The following DBX1 variants were observed in gnomAD, a reference collection of about 807,000 sequenced individuals.
The protein encoded by DBX1 is developing brain homeobox 1.
Under a neutral mutation model 20.8 loss-of-function variants are expected in DBX1, and 10 were observed. The ratio of observed to expected loss-of-function variants is 0.48; its 90% confidence interval spans 0.30 to 0.82. DBX1 has a LOEUF of 0.82. Ranked by LOEUF, DBX1 falls within the 40% of genes least tolerant of loss-of-function variation. DBX1 has a pLI of 0.07. For missense variants in DBX1, 505 were observed against 468.8 expected (o/e 1.08, Z -0.71); for synonymous variants, 241 against 213.9 (o/e 1.13, Z -1.11).
At position 20,156,701 on chromosome 11, in the gene DBX1, C is replaced by T. The variant is rs769349738; in HGVS notation, c.673-128G>A. On this transcript the variant is annotated intron_variant, in intron 3 of 3. Transcript: ENST00000524983. The surrounding 1 kb of genome is among the most constrained non-coding windows in gnomAD (Gnocchi z 4.8). ...CCTTCGGGCTGTGTCCTCTCCCCACCCCCAGAAATGAGTTCCGGTGGATTC... is the reference window on the plus strand; with the variant it reads ...CCTTCGGGCTGTGTCCTCTCCCCACTCCCAGAAATGAGTTCCGGTGGATTC... 2.2e-6 allele frequency: 3 copies of T among 1,382,762 alleles called. No individual in the cohort carries two copies. Among genetic ancestry groups the T allele is most frequent in the East Asian group, 2.3e-5 (1 of 43,684 alleles). The allele number at this position is 1,382,762 out of a possible 1,614,324, so 85.7% of individuals were successfully genotyped here. A position where few individuals can be genotyped will look rare whatever the true frequency, so the allele number is the denominator to read the frequency against.
At chr11:20,158,048 G>GA (rs2063669496) in intron 2 of DBX1, among the ~76,000 whole-genome samples, 1 of 152,150 alleles carries the variant, frequency 6.6e-6, no homozygotes, top group Admixed American at 6.5e-5. Context: ...TGCAGGCCAA[G>GA]ACCATTGGGA....
In DBX1 at chr11:20,160,233, G is replaced by A. The variant is rs1034181848; in HGVS notation, c.92C>T (p.Ser31Leu). The change falls in exon 1 of 4, where the codon TCG (serine) becomes TTG (leucine). Residue 31 changes from serine (S) to leucine (L), a missense_variant. Coordinates refer to ENST00000524983, the MANE Select transcript of DBX1 (RefSeq NM_001029865.4). ...GAAGCTGGAGTGGCCGGAAAATGCC[G>A]ACTGCAAGGACTGGGGCAGCGTCAA... is the stretch of plus-strand genomic sequence containing the variant. Reference protein sequence around the residue: ...PTLTLPQSLQSAFSGHSSFLV... With the variant: ...PTLTLPQSLQLAFSGHSSFLV... The A allele has an allele frequency of 5.2e-6, 8 of 1,545,660 alleles. No homozygotes were observed. In the African/African-American group the frequency reaches 6.9e-5, roughly 13 times the overall value.
In DBX1 at chr11:20,156,789, C is replaced by T; in HGVS notation, c.673-216G>A. On this transcript the variant is annotated intron_variant, in intron 3 of 3. Coordinates refer to ENST00000524983, the MANE Select transcript of DBX1 (RefSeq NM_001029865.4). This position sits in a 1 kb window ranked among gnomAD's most constrained non-coding sequence, Gnocchi z 4.8. ...GTTTGCCTCATCCGCTGCCACCCTG[C>T]CCCGAAGGGCGGGGTTGGGGGCCGG... 2 of 848,400 alleles carry T rather than the reference C, an allele frequency of 2.4e-6. No homozygotes were observed. The highest frequency in any genetic ancestry group is 3.7e-6 in the Non-Finnish European group (2 of 533,596). 52.6% of individuals were successfully genotyped at this position (848,400 alleles called of 1,614,324 possible).
Position 20,160,279 on chromosome 11 carries a change from G to A in DBX1, c.46C>T (p.Leu16Phe), listed in dbSNP as rs900695821. 3.3e-6 allele frequency: 5 copies of A among 1,537,788 alleles called. No individual in the cohort carries two copies. Among genetic ancestry groups the A allele is most frequent in the South Asian group, 2.4e-5 (2 of 83,562 alleles). ...LLAPPAGYPSLLRPTPTLTLP... is the reference protein window; with the variant it reads ...LLAPPAGYPSFLRPTPTLTLP... ...GTCAAGGTGGGCGTGGGCCGCAGGAGGCTAGGGTACCCGGCGGGGGGCGCG... is the reference window on the plus strand; with the variant it reads ...GTCAAGGTGGGCGTGGGCCGCAGGAAGCTAGGGTACCCGGCGGGGGGCGCG... Residue 16 changes from leucine to phenylalanine, a missense_variant, in exon 1 of 4, where the codon CTC becomes TTC. By Grantham distance (22) the Leu-to-Phe change is conservative. Transcript: ENST00000524983.
Position 20,157,202 on chromosome 11 carries a change from G to A in DBX1, c.507C>T (p.Ser169=), listed in dbSNP as rs2063664365. ...SSVVPIPGTF[S]WPLAARGKPR... ...GCTTCCCGCGCGCGGCCAGCGGCCA[G>A]GAGAAGGTCCCGGGGATGGGCACCA... Residue 169 remains serine (S), a synonymous_variant, in exon 3 of 4, where the codon TCC becomes TCT. Transcript: ENST00000524983. The A allele has an allele frequency of 2.5e-6, 4 of 1,593,564 alleles. No homozygotes were observed. The highest frequency in any genetic ancestry group is 3.4e-6 in the Non-Finnish European group (4 of 1,171,316).
In DBX1 at chr11:20,157,191, G is replaced by T. The variant is rs1295911944; in HGVS notation, c.518C>A (p.Ala173Asp). 1.3e-6 allele frequency: 2 copies of T among 1,598,202 alleles called. No individual in the cohort carries two copies. The highest frequency in any genetic ancestry group is 8.5e-7 in the Non-Finnish European group (1 of 1,173,404). ...GCCCCGCCGAGGCTTCCCGCGCGCGGCCAGCGGCCAGGAGAAGGTCCCGGG... is the reference window on the plus strand; with the variant it reads ...GCCCCGCCGAGGCTTCCCGCGCGCGTCCAGCGGCCAGGAGAAGGTCCCGGG... ...PIPGTFSWPL[A>D]ARGKPRRGML... The change falls in exon 3 of 4, where the codon GCC (alanine) becomes GAC (aspartate). Residue 173 changes from alanine to aspartate, a missense_variant. Coordinates refer to ENST00000524983, the MANE Select transcript of DBX1 (RefSeq NM_001029865.4).
intron 2 of DBX1, among the ~76,000 whole-genome samples, chr11:20,158,350 G>C (rs2063671129): frequency 6.6e-6 from 1 of 152,018 alleles, no homozygotes; most frequent in African/African-American, 2.4e-5. Context: ...TCCCCCGCAG[G>C]CCATACCCAG....
At chr11:20,159,151 C>G (rs775299210) in intron 2 of DBX1, 40 bp downstream of exon 2, 1 of 1,433,044 alleles carries the variant, frequency 7.0e-7, no homozygotes. Flanking sequence ...GGGGCTGGGG[C>G]GCCGCCCTGC....
Position 20,160,284 on chromosome 11 carries a change from G to A in DBX1, c.41C>T (p.Pro14Leu). 5.9e-6 allele frequency: 9 copies of A among 1,535,232 alleles called. No individual in the cohort carries two copies. Among genetic ancestry groups the A allele is most frequent in the Non-Finnish European group, 7.9e-6 (9 of 1,142,394 alleles). ...GGTGGGCGTGGGCCGCAGGAGGCTAGGGTACCCGGCGGGGGGCGCGAGGAG... is the reference window on the plus strand; with the variant it reads ...GGTGGGCGTGGGCCGCAGGAGGCTAAGGTACCCGGCGGGGGGCGCGAGGAG... ...PGLLAPPAGYPSLLRPTPTLT... is the reference protein window; with the variant it reads ...PGLLAPPAGYLSLLRPTPTLT... Residue 14 changes from proline (P) to leucine (L), a missense_variant, in exon 1 of 4, where the codon CCT (proline) becomes CTT (leucine). Coordinates refer to ENST00000524983, the MANE Select transcript of DBX1 (RefSeq NM_001029865.4).
chr11:20,159,351 G>T (rs559393788), intron 1 of DBX1, 59 bp from the exon 2 acceptor site: 3 of 1,168,620 alleles, frequency 2.6e-6, no homozygotes, highest in Non-Finnish European at 3.9e-6. Flanking sequence ...ATCTGATTAC[G>T]TACTTGCCTA....
Position 20,156,582 on chromosome 11 carries a change from T to C in DBX1, c.673-9A>G. On this transcript the variant is annotated splice_polypyrimidine_tract_variant and intron_variant, in intron 3 of 3. Coordinates refer to ENST00000524983, the MANE Select transcript of DBX1 (RefSeq NM_001029865.4). This position sits in a 1 kb window ranked among gnomAD's most constrained non-coding sequence, Gnocchi z 4.8. ...TGGAACCAGATTTTCACCTGGAATG[T>C]CCCGGCCGGCGAGAAGAAGGGAGAA... The C allele has an allele frequency of 6.2e-7, 1 of 1,613,896 alleles. No homozygotes were observed. The highest frequency in any genetic ancestry group is 8.5e-7 in the Non-Finnish European group (1 of 1,179,988).
Position 20,156,522 on chromosome 11 carries a change from G to A in DBX1, c.724C>T (p.Arg242Cys), listed in dbSNP as rs749052962. Reference protein sequence around the residue: ...RRMKWRNSKERELLSSGGCRE... With the variant: ...RRMKWRNSKECELLSSGGCRE... Reference sequence around the variant, plus strand: ...CAGCCCCCGCTAGACAGGAGTTCGCGCTCCTTGGAGTTCCGCCATTTCATG... The same window carrying A: ...CAGCCCCCGCTAGACAGGAGTTCGCACTCCTTGGAGTTCCGCCATTTCATG... The change falls in exon 4 of 4, where the codon CGC (arginine) becomes TGC (cysteine). Residue 242 changes from arginine to cysteine, a missense_variant. Coordinates refer to ENST00000524983, the MANE Select transcript of DBX1 (RefSeq NM_001029865.4). The surrounding 1 kb of genome is among the most constrained non-coding windows in gnomAD (Gnocchi z 4.8). 2 of 1,614,020 alleles carry A rather than the reference G, an allele frequency of 1.2e-6. No individual in the cohort carries two copies. Among genetic ancestry groups the A allele is most frequent in the Admixed American group, 3.3e-5 (2 of 60,032 alleles).
In DBX1 at chr11:20,160,267, T is replaced by G; in HGVS notation, c.58A>C (p.Thr20Pro). The part of the protein sequence containing the change: ...PAGYPSLLRP[T>P]PTLTLPQSLQ... ...GACTGGGGCAGCGTCAAGGTGGGCG[T>G]GGGCCGCAGGAGGCTAGGGTACCCG... The change falls in exon 1 of 4, where the codon ACG becomes CCG. Residue 20 changes from threonine (T) to proline (P), a missense_variant. By Grantham distance (38) the Thr-to-Pro change is conservative. Coordinates refer to ENST00000524983, the MANE Select transcript of DBX1 (RefSeq NM_001029865.4). 1 of 1,540,752 alleles carries G rather than the reference T, an allele frequency of 6.5e-7. No homozygotes were observed. Among genetic ancestry groups the G allele is most frequent in the Non-Finnish European group, 8.7e-7 (1 of 1,144,876 alleles).
Position 20,159,826 on chromosome 11 carries a change from C to A in DBX1, c.367+132G>T, listed in dbSNP as rs907059036. The A allele has an allele frequency of 8.6e-6, 11 of 1,276,048 alleles. No homozygotes were observed. In the East Asian group the frequency reaches 2.4e-4, roughly 28 times the overall value. 79.0% of individuals were successfully genotyped at this position (1,276,048 alleles called of 1,614,324 possible). On this transcript the variant is annotated intron_variant, in intron 1 of 3. Transcript: ENST00000524983. Reference sequence around the variant, plus strand: ...ATTCTCACATTGCCTGACGTAGGGTCTCAGAGTTCGTGCGTATTGTGTGTG... The same window carrying A: ...ATTCTCACATTGCCTGACGTAGGGTATCAGAGTTCGTGCGTATTGTGTGTG...
rs1201763815 is a variant in DBX1, at chr11:20,160,102, T to A, written c.223A>T (p.Thr75Ser). The A allele has an allele frequency of 6.4e-6, 10 of 1,554,280 alleles. No homozygotes were observed. Among genetic ancestry groups the A allele is most frequent in the Non-Finnish European group, 6.1e-6 (7 of 1,148,770 alleles). ...CCCAGGTCCGAGGCCCCCGTGTCGG[T>A]GAGGGCCGTGGGGGCCCCCTGCCTG... ...PPRQGAPTAL[T>S]DTGASDLGSP... The change falls in exon 1 of 4, where the codon ACC becomes TCC. Residue 75 changes from threonine (T) to serine (S), a missense_variant. Coordinates refer to ENST00000524983, the MANE Select transcript of DBX1 (RefSeq NM_001029865.4).
In DBX1 at chr11:20,157,132, G is replaced by T. The variant is rs1272912531; in HGVS notation, c.577C>A (p.Arg193=). The change falls in exon 3 of 4, where the codon CGG becomes AGG. Residue 193 remains arginine, a synonymous_variant. Coordinates refer to ENST00000524983, the MANE Select transcript of DBX1 (RefSeq NM_001029865.4). ...TGGAACATCTTCTCCAGCGCCTTCC[G>T]CTGCACGTCGGAGAAGACTGCTCGA... is the stretch of plus-strand genomic sequence containing the variant. The part of the protein sequence containing the change: ...LRRAVFSDVQ[R]KALEKMFQKQ... 3.1e-6 allele frequency: 5 copies of T among 1,613,440 alleles called. No homozygotes were observed. The highest frequency in any genetic ancestry group is 4.2e-6 in the Non-Finnish European group (5 of 1,179,954).
At position 20,156,314 on chromosome 11, in the gene DBX1, G is replaced by T. The variant is rs2063655551; in HGVS notation, c.932C>A (p.Pro311His). ...RDPRLPGPLP[P>H]SPAHSSSPGK... ...GGGACTGCTCGAGTGCGCGGGCGAG[G>T]GGGGCAGCGGCCCTGGCAGCCGCGG... The change falls in exon 4 of 4, where the codon CCC becomes CAC. Residue 311 changes from proline (P) to histidine (H), a missense_variant. By Grantham distance (77) the Pro-to-His change is moderately conservative. Coordinates refer to ENST00000524983, the MANE Select transcript of DBX1 (RefSeq NM_001029865.4). The surrounding 1 kb of genome is among the most constrained non-coding windows in gnomAD (Gnocchi z 4.8). The T allele has an allele frequency of 6.4e-7, 1 of 1,565,682 alleles. No homozygotes were observed. Among genetic ancestry groups the T allele is most frequent in the African/African-American group, 1.4e-5 (1 of 73,720 alleles).
At position 20,156,494 on chromosome 11, in the gene DBX1, C is replaced by G; in HGVS notation, c.752G>C (p.Arg251Pro). 6.2e-7 allele frequency: 1 copy of G among 1,613,876 alleles called. No homozygotes were observed. The highest frequency in any genetic ancestry group is 8.5e-7 in the Non-Finnish European group (1 of 1,180,002). Residue 251 changes from arginine to proline, a missense_variant, in exon 4 of 4, where the codon CGC (arginine) becomes CCC (proline). By Grantham distance (103) the Arg-to-Pro change is moderately radical. Coordinates refer to ENST00000524983, the MANE Select transcript of DBX1 (RefSeq NM_001029865.4). This position sits in a 1 kb window ranked among gnomAD's most constrained non-coding sequence, Gnocchi z 4.8. ...GAGCTTGGTGGGCAGGGTCTGCTCG[C>G]GACAGCCCCCGCTAGACAGGAGTTC... ...ERELLSSGGC[R>P]EQTLPTKLNP...
rs372654166 is a variant in DBX1, at chr11:20,159,627, T to TA, written c.367+330dup. Among the ~76,000 whole-genome samples the TA allele has an allele frequency of 2.8e-3, 354 of 124,570 alleles. 4 individuals are homozygous for TA. The highest frequency in any genetic ancestry group is 7.6e-3 in the African/African-American group (282 of 36,992). The allele number at this position is 124,570 out of a possible 152,430, so 81.7% of individuals were successfully genotyped here. A position where few individuals can be genotyped will look rare whatever the true frequency, so the allele number is the denominator to read the frequency against. ...TCCAATAAATATATCATATTGAGTT[T>TA]AAAAAAAAAAACTGTCTCCTAGAAG... On this transcript the variant is annotated intron_variant, in intron 1 of 3. Transcript: ENST00000524983.
Sources: gnomAD v4.1 joint callset for allele counts (sites outside exome capture counted in the v4.1 genomes callset) on GRCh38, gnomAD v4.1.1 for gene constraint, Gnocchi (gnomAD v3.1) non-coding constraint, MANE v1.5 for transcripts, NCBI Gene and HGNC (gene_info 2026-07-23, HGNC 2026-07-21) for gene names.